The following ZNF205 variants were observed in gnomAD, a reference collection of about 807,000 sequenced individuals.
ZNF205 encodes transcriptional repressor RHIT.
In ZNF205, 32 loss-of-function variants were observed where a neutral mutation model predicts 53.6. That is an observed-to-expected ratio of 0.60 (90% CI 0.45 to 0.80). ZNF205 has a LOEUF of 0.80. ZNF205 is among the 30% of genes least tolerant of loss of function. The probability of loss-of-function intolerance (pLI) is 0.00; values close to 1 mark genes in which losing one functional copy is unlikely to be tolerated. For synonymous variants in ZNF205, 382 were observed against 334.3 expected, an observed-to-expected ratio of 1.14 and a Z score of -1.56; for missense variants, 836 against 782.4, an observed-to-expected ratio of 1.07 and a Z score of -0.82.
Position 3,113,460 on chromosome 16 carries a change from C to T in ZNF205, c.30C>T (p.Asp10=). 6.2e-7 allele frequency: 1 copy of T among 1,613,610 alleles called. No individual in the cohort carries two copies. The highest frequency in any genetic ancestry group is 8.5e-7 in the Non-Finnish European group (1 of 1,179,794). ...CTGCAGACGGCGGAGGCATCCAGGA[C>T]ACCCAGGACAAGGAGACACCCCCGG... The part of the protein sequence containing the change: MSADGGGIQ[D]TQDKETPPEV... The change falls in exon 2 of 7, where the codon GAC becomes GAT. Residue 10 remains aspartate, a synonymous_variant. Transcript: ENST00000219091.
Position 3,115,544 on chromosome 16 carries a change from A to G in ZNF205, c.247A>G (p.Lys83Glu). 1 of 1,593,668 alleles carries G rather than the reference A, an allele frequency of 6.3e-7. No homozygotes were observed. The highest frequency in any genetic ancestry group is 8.5e-7 in the Non-Finnish European group (1 of 1,172,940). ...WAPLSHGSKE[K>E]ALFLPGGALP... ...ACCCCTAAGTCACGGCTCTAAGGAG[A>G]AAGCTCTCTTCCTGCCTGGCGGAGG... The change falls in exon 3 of 7, where the codon AAA (lysine) becomes GAA (glutamate). Residue 83 changes from lysine to glutamate, a missense_variant. Transcript: ENST00000219091.
rs199538561 is a variant in ZNF205, at chr16:3,118,888, C to A, written c.485-17C>A. 72 of 1,611,966 alleles carry A rather than the reference C, an allele frequency of 4.5e-5. No individual in the cohort carries two copies. Among genetic ancestry groups the A allele is most frequent in the Non-Finnish European group, 6.1e-5 (72 of 1,179,084 alleles). On this transcript the variant is annotated splice_polypyrimidine_tract_variant and intron_variant, in intron 5 of 6. Coordinates refer to ENST00000219091, the MANE Select transcript of ZNF205 (RefSeq NM_001042428.2). Reference sequence around the variant, plus strand: ...CGCCAGAAGGCCTGTGACAGCACAGCATCTCTTTCTGGGCAGGCTTTCCCT... The same window carrying A: ...CGCCAGAAGGCCTGTGACAGCACAGAATCTCTTTCTGGGCAGGCTTTCCCT...
Position 3,115,887 on chromosome 16 carries a change from G to T in ZNF205, c.330G>T (p.Gln110His). Residue 110 changes from glutamine (Q) to histidine (H), a missense_variant, in exon 4 of 7, where the codon CAG becomes CAT. Physicochemically the swap from Gln to His is conservative, Grantham distance 24 (BLOSUM62 0). Transcript: ENST00000219091. The stretch of plus-strand genomic sequence containing the variant: ...GAGAGGGGAGGACCAGAGACCGGCA[G>T]ATGGCTGCAGCGCTCCTCACTGCCT... ...LSREGRTRDR[Q>H]MAAALLTAWS... 3 of 1,614,030 alleles carry T rather than the reference G, an allele frequency of 1.9e-6. No individual in the cohort carries two copies. Among genetic ancestry groups the T allele is most frequent in the Non-Finnish European group, 2.5e-6 (3 of 1,179,998 alleles).
chr16:3,116,579 G>A lies in ZNF205; in HGVS notation c.484+32G>A, dbSNP rs754628468. 6.2e-6 allele frequency: 10 copies of A among 1,606,200 alleles called. No individual in the cohort carries two copies. The South Asian group carries it at 7.8e-5, about 12-fold the overall frequency. On this transcript the variant is annotated intron_variant, in intron 5 of 6. Transcript: ENST00000219091. Reference sequence around the variant, plus strand: ...ACTCGCCTGGAGGGGGGACTGGGGTGTTAGGGAGAGGTCCTGCTCTGCCGT... The same window carrying A: ...ACTCGCCTGGAGGGGGGACTGGGGTATTAGGGAGAGGTCCTGCTCTGCCGT...
At chr16:3,114,324 T>A (rs1270791840) in intron 2 of ZNF205, among the ~76,000 whole-genome samples, 1 of 152,114 alleles carries the variant, frequency 6.6e-6, no homozygotes. Context: ...GGCAGCTCCT[T>A]CTCCATCATT....
chr16:3,116,754 GA>G (rs1957351664), intron 5 of ZNF205, among the ~76,000 whole-genome samples: 1 of 152,232 alleles, frequency 6.6e-6, no homozygotes. Flanking sequence ...CTGAGCACTT[GA>G]AATGTGAGTA....
At chr16:3,119,148 C>T (rs1341933399) in intron 6 of ZNF205, 108 bp from the exon 7 acceptor site, 26 of 1,505,024 alleles carry the variant, frequency 1.7e-5, no homozygotes, top group Non-Finnish European at 2.2e-5. Flanking sequence ...GGCCCTTGCG[C>T]TTTCTGGTCT....
At chr16:3,116,205 G>A in intron 4 of ZNF205, 1 of 692,914 alleles carries the variant, frequency 1.4e-6, no homozygotes, top group East Asian at 2.7e-5. Flanking sequence ...GACATCCTAA[G>A]TCTTAACTGT....
In ZNF205 at chr16:3,118,906, C is replaced by G. The variant is rs1211267301; in HGVS notation, c.486C>G (p.Gly162=). The change falls in exon 6 of 7, where the codon GGC becomes GGG. Residue 162 remains glycine (G), a splice_region_variant and synonymous_variant. Coordinates refer to ENST00000219091, the MANE Select transcript of ZNF205 (RefSeq NM_001042428.2). ...VLQKKNGLSL[G]FPFSRPFWAP... ...AGCACAGCATCTCTTTCTGGGCAGG[C>G]TTTCCCTTCAGCAGGCCTTTCTGGG... 1 of 1,613,244 alleles carries G rather than the reference C, an allele frequency of 6.2e-7. No individual in the cohort carries two copies. The highest frequency in any genetic ancestry group is 8.5e-7 in the Non-Finnish European group (1 of 1,179,770).
chr16:3,115,807 G>A (rs759230378), intron 3 of ZNF205, 22 bp from the exon 4 acceptor site: 2 of 1,602,010 alleles, frequency 1.2e-6, no homozygotes, highest in Non-Finnish European at 1.7e-6. Flanking sequence ...TGATCACCGT[G>A]AGGACCTCTC....
intron 1 of ZNF205, chr16:3,113,056 C>G (rs1041964176): frequency 3.8e-6 from 1 of 260,024 alleles, no homozygotes; most frequent in African/African-American, 2.3e-5. Flanking sequence ...AGGATCTCTG[C>G]AGAACTTTCT....
chr16:3,113,550 A>G, intron 2 of ZNF205, 63 bp downstream of exon 2: 1 of 1,580,742 alleles, frequency 6.3e-7, no homozygotes, highest in Non-Finnish European at 8.6e-7. Context: ...GGAGATTTTC[A>G]AGGCACAGAG....
rs750322524 is a variant in ZNF205, at chr16:3,119,935, C to T, written c.1275C>T (p.Cys425=). The part of the protein sequence containing the change: ...TGAKPHKCPI[C]AKCFTQSSAL... Reference sequence around the variant, plus strand: ...CCAAGCCGCACAAGTGCCCCATCTGCGCCAAGTGCTTCACGCAGAGCTCGG... The same window carrying T: ...CCAAGCCGCACAAGTGCCCCATCTGTGCCAAGTGCTTCACGCAGAGCTCGG... Residue 425 remains cysteine, a synonymous_variant, in exon 7 of 7, where the codon TGC becomes TGT. Coordinates refer to ENST00000219091, the MANE Select transcript of ZNF205 (RefSeq NM_001042428.2). The T allele has an allele frequency of 3.1e-6, 5 of 1,613,516 alleles. No individual in the cohort carries two copies. Among genetic ancestry groups the T allele is most frequent in the Admixed American group, 1.7e-5 (1 of 60,004 alleles).
Position 3,119,464 on chromosome 16 carries a change from C to T in ZNF205, c.804C>T (p.Pro268=), listed in dbSNP as rs1166196715. 13 of 1,590,698 alleles carry T rather than the reference C, an allele frequency of 8.2e-6. No homozygotes were observed. Among genetic ancestry groups the T allele is most frequent in the Non-Finnish European group, 1.1e-5 (13 of 1,169,758 alleles). Reference sequence around the variant, plus strand: ...CCCCGGATGCAGCTCCGCCAGACCCCAGTCCCACGGAGCCCCAGGAGTACC... The same window carrying T: ...CCCCGGATGCAGCTCCGCCAGACCCTAGTCCCACGGAGCCCCAGGAGTACC... ...DRTPDAAPPD[P]SPTEPQEYRV... Residue 268 remains proline, a synonymous_variant, in exon 7 of 7, where the codon CCC becomes CCT. Coordinates refer to ENST00000219091, the MANE Select transcript of ZNF205 (RefSeq NM_001042428.2).
chr16:3,117,876 T>A (rs961216894), intron 5 of ZNF205, among the ~76,000 whole-genome samples: 2 of 136,440 alleles, frequency 1.5e-5, no homozygotes, highest in South Asian at 2.4e-4. Context: ...TGAGACGGAG[T>A]CTTGCTCTGT....
At position 3,119,314 on chromosome 16, in the gene ZNF205, GA is replaced by G; in HGVS notation, c.656del (p.Lys219SerfsTer106). 4 of 1,611,974 alleles carry G rather than the reference GA, an allele frequency of 2.5e-6. No individual in the cohort carries two copies. The highest frequency in any genetic ancestry group is 3.4e-6 in the Non-Finnish European group (4 of 1,179,098). ...CATCCGTGGCAGCCCTTGGGAATGT[GA>G]AGCCCTTCAGAACCAGGGCAGGGAG... ...TSSVAALGNV[K>X]PFRTRAGRVQ... On this transcript the variant is annotated frameshift_variant, in exon 7 of 7. Transcript: ENST00000219091. LOFTEE classifies it high-confidence loss of function.
chr16:3,119,509 C>A lies in ZNF205; in HGVS notation c.849C>A (p.Asn283Lys). 1 of 1,598,628 alleles carries A rather than the reference C, an allele frequency of 6.3e-7. No homozygotes were observed. The highest frequency in any genetic ancestry group is 8.5e-7 in the Non-Finnish European group (1 of 1,173,498). ...PQEYRVPEKPNEEEKGAPESG... is the reference protein window; with the variant it reads ...PQEYRVPEKPKEEEKGAPESG... ...AGTACCGCGTCCCGGAGAAGCCCAA[C>A]GAGGAGGAGAAGGGCGCCCCGGAGA... is the stretch of plus-strand genomic sequence containing the variant. The change falls in exon 7 of 7, where the codon AAC (asparagine) becomes AAA (lysine). Residue 283 changes from asparagine to lysine, a missense_variant. Coordinates refer to ENST00000219091, the MANE Select transcript of ZNF205 (RefSeq NM_001042428.2).
chr16:3,117,757 C>T (rs878963977), intron 5 of ZNF205, among the ~76,000 whole-genome samples: 19 of 151,930 alleles, frequency 1.3e-4, no homozygotes, highest in Non-Finnish European at 1.9e-4. Context: ...CCAGCCATCC[C>T]AGAGCTTTTG....
chr16:3,114,305 T>A (rs1314157854), intron 2 of ZNF205, among the ~76,000 whole-genome samples: 3 of 152,120 alleles, frequency 2.0e-5, no homozygotes, highest in African/African-American at 4.8e-5. Flanking sequence ...TCCAGGACTT[T>A]CCTGAGCTGG....
Sources: allele counts gnomAD v4.1 joint callset (sites outside exome capture counted in the v4.1 genomes callset), GRCh38; gene constraint gnomAD v4.1.1; transcripts MANE v1.5; gene names NCBI Gene and HGNC (gene_info 2026-07-23, HGNC 2026-07-21).